Variants in SLC27A1 observed in about 807,000 individuals in gnomAD.
SLC27A1 encodes solute carrier family 27 member 1.
Under a neutral mutation model 62.2 loss-of-function variants are expected in SLC27A1, and 61 were observed. The observed-to-expected ratio is 0.98, with a 90% CI of 0.80 to 1.21. SLC27A1 has a LOEUF of 1.21. SLC27A1 is among the 50% of genes most tolerant of loss of function. The pLI is 0.00. For synonymous variants in SLC27A1, 435 were observed against 408.6 expected, an observed-to-expected ratio of 1.06 and a Z score of -0.78; for missense variants, 903 against 932.1, an observed-to-expected ratio of 0.97 and a Z score of 0.41.
At chr19:17,488,423 A>T (rs1775673695) in intron 4 of SLC27A1, among the ~76,000 whole-genome samples, 1 of 152,072 alleles carries the variant, frequency 6.6e-6, no homozygotes, top group African/African-American at 2.4e-5. Context: ...CACTTCCCTG[A>T]TGTCATTTTC....
rs370500762 is a variant in SLC27A1, at chr19:17,497,224, C to G, written c.997-31C>G. 5.1e-6 allele frequency: 8 copies of G among 1,560,050 alleles called. No homozygotes were observed. The African/African-American group carries it at 9.9e-5, about 19-fold the overall frequency. ...CCGGGCTCCCCACCGCCTGCCGGTC[C>G]CATCACCCACTTCCTCACCCCGTCC... On this transcript the variant is annotated intron_variant, in intron 6 of 11. Transcript: ENST00000252595.
chr19:17,476,539 A>T (rs74344941), intron 1 of SLC27A1, among the ~76,000 whole-genome samples: 1 of 9,344 alleles, frequency 1.1e-4, no homozygotes, highest in Non-Finnish European at 8.4e-4. Flanking sequence ...CTCTGTCTCA[A>T]AAAAAAAAAA....
rs533391364 is a variant in SLC27A1 at position 17,504,514 on chromosome 19, T to G, written c.1843T>G (p.Ser615Ala). Residue 615 changes from serine to alanine, a missense_variant, in exon 12 of 12, where the codon TCA (serine) becomes GCA (alanine). Coordinates refer to ENST00000252595, the MANE Select transcript of SLC27A1 (RefSeq NM_198580.3). Reference sequence around the variant, plus strand: ...AGAGGGCTTTGACCCACGCCAGACCTCAGACCGGCTCTTCTTCCTGGACCT... The same window carrying G: ...AGAGGGCTTTGACCCACGCCAGACCGCAGACCGGCTCTTCTTCCTGGACCT... ...QREGFDPRQT[S>A]DRLFFLDLKQ... 12 of 1,614,058 alleles carry G rather than the reference T, an allele frequency of 7.4e-6. No homozygotes were observed. Among genetic ancestry groups the G allele is most frequent in the Non-Finnish European group, 1.0e-5 (12 of 1,180,038 alleles).
chr19:17,501,459 C>T (rs2075412268), intron 11 of SLC27A1, 40 bp downstream of exon 11: 2 of 1,594,476 alleles, frequency 1.3e-6, no homozygotes, highest in African/African-American at 2.7e-5. Flanking sequence ...CTTCATCCAT[C>T]AGTGTGTCTG....
chr19:17,471,265 A>T (rs938799431), intron 1 of SLC27A1, among the ~76,000 whole-genome samples: 1 of 151,878 alleles, frequency 6.6e-6, no homozygotes, highest in Admixed American at 6.6e-5. Flanking sequence ...GGGTTTCTGA[A>T]GGTGTGAGTT....
Position 17,505,710 on chromosome 19 carries a change from TC to T in SLC27A1, c.*1100del, listed in dbSNP as rs2075472908. On this transcript the variant is annotated 3_prime_UTR_variant, in exon 12 of 12. Coordinates refer to ENST00000252595, the MANE Select transcript of SLC27A1 (RefSeq NM_198580.3). ...TGGCTGCCCAGCCAGCTGCCTCCTG[TC>T]CTGGGAGGAGGCCTCCTGGGTGTCC... 2 of 152,722 alleles carry T rather than the reference TC, an allele frequency of 1.3e-5. No individual in the cohort carries two copies. The highest frequency in any genetic ancestry group is 4.8e-5 in the African/African-American group (2 of 41,438). 9.5% of individuals were successfully genotyped at this position (152,722 alleles called of 1,614,324 possible).
At position 17,486,952 on chromosome 19, in the gene SLC27A1, T is replaced by A. The variant is rs761376948; in HGVS notation, c.557T>A (p.Val186Glu). The change falls in exon 2 of 12, where the codon GTG becomes GAG. Residue 186 changes from valine to glutamate, a missense_variant. By Grantham distance (121) the Val-to-Glu change is moderately radical. Coordinates refer to ENST00000252595, the MANE Select transcript of SLC27A1 (RefSeq NM_198580.3). The surrounding 1 kb of genome is among the most constrained non-coding windows in gnomAD (Gnocchi z 6.6). The part of the protein sequence containing the change: ...AKALIFGGEM[V>E]AAVAEVSGHL... ...GCCCTGATCTTTGGAGGAGAAATGG[T>A]GGCGGGTGAGGCCAGGCGTGGGCAT... 1 of 1,573,016 alleles carries A rather than the reference T, an allele frequency of 6.4e-7. No homozygotes were observed. Among genetic ancestry groups the A allele is most frequent in the Admixed American group, 1.8e-5 (1 of 56,436 alleles).
intron 1 of SLC27A1, among the ~76,000 whole-genome samples, chr19:17,472,866 G>C (rs1211895189): frequency 6.6e-6 from 1 of 151,838 alleles, no homozygotes; most frequent in African/African-American, 2.4e-5. Context: ...TGTTGCCCAG[G>C]GTGGACCAGC....
Position 17,500,598 on chromosome 19 carries a change from C to A in SLC27A1, c.1437C>A (p.Ser479Arg). 1 of 1,613,706 alleles carries A rather than the reference C, an allele frequency of 6.2e-7. No homozygotes were observed. The highest frequency in any genetic ancestry group is 8.5e-7 in the Non-Finnish European group (1 of 1,179,962). The change falls in exon 9 of 12, where the codon AGC (serine) becomes AGA (arginine). Residue 479 changes from serine (S) to arginine (R), a missense_variant. Ser to Arg is a moderately radical substitution (Grantham distance 110, BLOSUM62 -1). Coordinates refer to ENST00000252595, the MANE Select transcript of SLC27A1 (RefSeq NM_198580.3). ...ESATSKKIAH[S>R]VFSKGDSAYL... ...CCACCAGCAAGAAGATCGCCCACAG[C>A]GTCTTCAGCAAGGGCGACAGCGCCT...
At chr19:17,504,000 G>T (rs1244946813) in intron 11 of SLC27A1, among the ~76,000 whole-genome samples, 1 of 150,924 alleles carries the variant, frequency 6.6e-6, no homozygotes, top group East Asian at 1.9e-4. Flanking sequence ...GCCCAGGCTG[G>T]TCTTAAACTC....
chr19:17,501,797 T>G (rs2075417036), intron 11 of SLC27A1, among the ~76,000 whole-genome samples: 1 of 84,438 alleles, frequency 1.2e-5, no homozygotes, highest in African/African-American at 4.5e-5. Flanking sequence ...AGTGATACTC[T>G]GTCTCAAAAA....
chr19:17,491,707 T>C (rs909630673), intron 6 of SLC27A1, among the ~76,000 whole-genome samples: 5 of 151,754 alleles, frequency 3.3e-5, no homozygotes, highest in Admixed American at 2.6e-4. Context: ...CCCTCATCTC[T>C]ACAAAAAAAT....
At position 17,481,961 on chromosome 19, in the gene SLC27A1, A is replaced by G. The variant is rs1049260472; in HGVS notation, c.168-4602A>G. On this transcript the variant is annotated intron_variant, in intron 1 of 11. Transcript: ENST00000252595. ...CCAGAACCTGCCCGGGGCCCCTTAG[A>G]TCGGGCTGGGGCCACGGGTGGCTGC... Among the ~76,000 whole-genome samples the G allele has an allele frequency of 4.7e-4, 72 of 152,174 alleles. 1 individual carries two copies. The highest frequency in any genetic ancestry group is 1.7e-3 in the African/African-American group (72 of 41,530).
intron 1 of SLC27A1, among the ~76,000 whole-genome samples, chr19:17,473,891 T>A (rs1237981093): frequency 6.6e-6 from 1 of 152,086 alleles, no homozygotes; most frequent in African/African-American, 2.4e-5. Flanking sequence ...AAACAAAGAT[T>A]TAACTCATTT....
chr19:17,486,181 G>A lies in SLC27A1; in HGVS notation c.168-382G>A, dbSNP rs2075227464. On this transcript the variant is annotated intron_variant, in intron 1 of 11. Coordinates refer to ENST00000252595, the MANE Select transcript of SLC27A1 (RefSeq NM_198580.3). This position sits in a 1 kb window ranked among gnomAD's most constrained non-coding sequence, Gnocchi z 6.6. ...CTGCCCAGCTCGGGGCTGGACCCTG[G>A]GGGTCCTGGTTAGGGTGGTCTGAGC... Among the ~76,000 whole-genome samples the A allele has an allele frequency of 2.0e-5, 3 of 152,178 alleles. No individual in the cohort carries two copies. Among genetic ancestry groups the A allele is most frequent in the South Asian group, 4.1e-4 (2 of 4,824 alleles).
rs2075411324 is a variant in SLC27A1, at chr19:17,501,397, C to T, written c.1761C>T (p.Leu587=). 1 of 1,613,638 alleles carries T rather than the reference C, an allele frequency of 6.2e-7. No individual in the cohort carries two copies. Among genetic ancestry groups the T allele is most frequent in the Non-Finnish European group, 8.5e-7 (1 of 1,179,886 alleles). The change falls in exon 11 of 12, where the codon CTC becomes CTT. Residue 587 remains leucine, a synonymous_variant. Transcript: ENST00000252595. ...ATGCCCGGCCCATCTTCCTGCGCCT[C>T]CTGCCCCAGGTGGACACCACAGGTG... ...APYARPIFLR[L]LPQVDTTGTF...
In SLC27A1 at chr19:17,486,799, T is replaced by G; in HGVS notation, c.404T>G (p.Leu135Arg). 1.3e-6 allele frequency: 2 copies of G among 1,600,000 alleles called. No individual in the cohort carries two copies. The highest frequency in any genetic ancestry group is 1.7e-6 in the Non-Finnish European group (2 of 1,174,546). Reference protein sequence around the residue: ...FAPGDVVAIFLEGRPEFVGLW... With the variant: ...FAPGDVVAIFREGRPEFVGLW... ...CCGGGCGACGTGGTGGCCATCTTCCTGGAGGGCCGGCCGGAGTTCGTGGGG... is the reference window on the plus strand; with the variant it reads ...CCGGGCGACGTGGTGGCCATCTTCCGGGAGGGCCGGCCGGAGTTCGTGGGG... Residue 135 changes from leucine (L) to arginine (R), a missense_variant, in exon 2 of 12, where the codon CTG becomes CGG. By Grantham distance (102) the Leu-to-Arg change is moderately radical. Coordinates refer to ENST00000252595, the MANE Select transcript of SLC27A1 (RefSeq NM_198580.3). The surrounding 1 kb of genome is among the most constrained non-coding windows in gnomAD (Gnocchi z 6.6).
rs748430479 is a variant in SLC27A1, at chr19:17,487,479, C to T, written c.744C>T (p.Tyr248=). ...CTGCAGATCGTCTTTTCTACATCTA[C>T]ACGTCGGGGACCACCGGGCTGCCCA... ...KGMDDRLFYI[Y]TSGTTGLPKA... The change falls in exon 4 of 12, where the codon TAC becomes TAT. Residue 248 remains tyrosine, a synonymous_variant. Coordinates refer to ENST00000252595, the MANE Select transcript of SLC27A1 (RefSeq NM_198580.3). The T allele has an allele frequency of 2.5e-6, 4 of 1,578,242 alleles. No individual in the cohort carries two copies. The highest frequency in any genetic ancestry group is 1.1e-5 in the South Asian group (1 of 90,248).
chr19:17,468,835 G>C (rs1401793268), upstream of SLC27A1: 1 of 154,210 alleles, frequency 6.5e-6, no homozygotes, highest in African/African-American at 2.4e-5. Flanking sequence ...TGGGGCAGAG[G>C]AGGGGGAGCT....
Sources: gnomAD v4.1 joint callset for allele counts (sites outside exome capture counted in the v4.1 genomes callset) on GRCh38, gnomAD v4.1.1 for gene constraint, Gnocchi (gnomAD v3.1) non-coding constraint, MANE v1.5 for transcripts, NCBI Gene and HGNC (gene_info 2026-07-23, HGNC 2026-07-21) for gene names.